RBFOX1: variants seen among roughly 807,000 people sequenced by gnomAD.
RBFOX1 encodes RNA binding fox-1 homolog 1, also known as RNA binding protein fox-1 homolog 1.
Under a neutral mutation model 57.7 loss-of-function variants are expected in RBFOX1, and 8 were observed. The observed-to-expected ratio is 0.14, with a 90% CI of 0.08 to 0.25. The LOEUF (loss-of-function observed/expected upper bound fraction) is 0.25, where lower values mean the gene tolerates loss of function less well. Ranked by LOEUF, RBFOX1 falls within the 10% of genes least tolerant of loss-of-function variation. The pLI, the probability that RBFOX1 is intolerant of heterozygous loss-of-function variation, is 1.00. For synonymous variants in RBFOX1, 326 were observed against 222.4 expected (o/e 1.47, Z -4.15); for missense variants, 611 against 548.5 (o/e 1.11, Z -1.14).
intron 4 of RBFOX1, among the ~76,000 whole-genome samples, chr16:5,914,535 C>G (rs2152215810): frequency 6.6e-6 from 1 of 152,218 alleles, no homozygotes; most frequent in East Asian, 1.9e-4. Flanking sequence ...ATGTGGGACT[C>G]TCTGTAGACT....
At chr16:6,872,970 A>G (rs991506527) in intron 3 of RBFOX1, among the ~76,000 whole-genome samples, 3 of 152,118 alleles carry the variant, frequency 2.0e-5, no homozygotes, top group Non-Finnish European at 2.9e-5. Context: ...GCTGGTCTTG[A>G]GTATAATGCC....
At chr16:6,624,576 A>G (rs371309363) in intron 2 of RBFOX1, among the ~76,000 whole-genome samples, 4 of 152,130 alleles carry the variant, frequency 2.6e-5, no homozygotes, top group African/African-American at 7.2e-5. Flanking sequence ...TTTCCTTCAC[A>G]TGATTTTTGT....
In RBFOX1 at chr16:6,210,318, A is replaced by G. The variant is rs1206873023; in HGVS notation, c.-126-106677A>G. ...GGTGACAAGAGTGCAATTCTGTCTG[A>G]AAAAAAAAAACAAAAAAACAAAAAA... On this transcript the variant is annotated intron_variant, in intron 1 of 15. Transcript: ENST00000550418. Among the ~76,000 whole-genome samples the G allele has an allele frequency of 8.8e-5, 12 of 135,928 alleles. No homozygotes were observed. In the East Asian group the frequency reaches 2.3e-3, roughly 26 times the overall value. The allele number at this position is 135,928 out of a possible 152,430, so 89.2% of individuals were successfully genotyped here. A position where few individuals can be genotyped will look rare whatever the true frequency, so the allele number is the denominator to read the frequency against.
At chr16:7,113,190 T>G (rs1300537493) in intron 4 of RBFOX1, among the ~76,000 whole-genome samples, 1 of 152,186 alleles carries the variant, frequency 6.6e-6, no homozygotes, top group East Asian at 1.9e-4. Context: ...CATAAATACA[T>G]TGAGCTTTCT....
At chr16:7,688,763 G>C (rs2076684776) in intron 14 of RBFOX1, among the ~76,000 whole-genome samples, 1 of 152,104 alleles carries the variant, frequency 6.6e-6, no homozygotes. Flanking sequence ...AAGAGTGAAA[G>C]AGACAGACCA....
intron 2 of RBFOX1, among the ~76,000 whole-genome samples, chr16:6,386,157 G>A (rs1048720903): frequency 1.3e-4 from 20 of 152,036 alleles, no homozygotes; most frequent in Non-Finnish European, 2.9e-4. Flanking sequence ...GGATGGTCTC[G>A]ATGTCCTGGC....
chr16:7,475,673 GT>G (rs1416314760), intron 4 of RBFOX1, among the ~76,000 whole-genome samples: 2 of 152,126 alleles, frequency 1.3e-5, no homozygotes, highest in African/African-American at 4.8e-5. Flanking sequence ...CAAGCTCTTG[GT>G]TATAACTCTG....
At chr16:6,199,614 CTAAA>C (rs1367206735) in intron 1 of RBFOX1, among the ~76,000 whole-genome samples, 1 of 152,142 alleles carries the variant, frequency 6.6e-6, no homozygotes, top group Admixed American at 6.5e-5. Context: ...TTTGTATTAA[CTAAA>C]TAATACTTAC....
At chr16:5,640,547 C>T (rs2048828723) in intron 3 of RBFOX1, among the ~76,000 whole-genome samples, 1 of 151,098 alleles carries the variant, frequency 6.6e-6, no homozygotes, top group African/African-American at 2.4e-5. Context: ...CATGCACATA[C>T]ATGCATGCCA....
At chr16:7,354,318 T>C (rs1052808655) in intron 4 of RBFOX1, among the ~76,000 whole-genome samples, 1 of 152,206 alleles carries the variant, frequency 6.6e-6, no homozygotes, top group Non-Finnish European at 1.5e-5. Flanking sequence ...TGAATTATTA[T>C]TTCAAAAAAT....
intron 3 of RBFOX1, among the ~76,000 whole-genome samples, chr16:6,998,514 C>G (rs1335591314): frequency 3.3e-5 from 5 of 152,116 alleles, no homozygotes; most frequent in African/African-American, 1.2e-4. Flanking sequence ...TTGGCCCTAC[C>G]AGAAGCAAGA....
chr16:6,944,780 C>G (rs1356280564), intron 3 of RBFOX1, among the ~76,000 whole-genome samples: 2 of 152,142 alleles, frequency 1.3e-5, no homozygotes, highest in Non-Finnish European at 2.9e-5. Context: ...ATGGGTGTAT[C>G]TCATCTATGC....
intron 3 of RBFOX1, among the ~76,000 whole-genome samples, chr16:6,922,575 C>CGT (rs2074714048): frequency 6.6e-6 from 1 of 152,012 alleles, no homozygotes; most frequent in South Asian, 2.1e-4. Flanking sequence ...TGGCTTTTTT[C>CGT]GTGTGTGTGG....
chr16:7,281,948 C>A (rs146063081), intron 4 of RBFOX1, among the ~76,000 whole-genome samples: 1 of 152,180 alleles, frequency 6.6e-6, no homozygotes, highest in African/African-American at 2.4e-5. Context: ...TCACTGCAAC[C>A]TCTACCTCCT....
chr16:7,607,535 G>C (rs1440528752), intron 10 of RBFOX1, among the ~76,000 whole-genome samples, 197 bp downstream of exon 10: 1 of 152,164 alleles, frequency 6.6e-6, no homozygotes, highest in Non-Finnish European at 1.5e-5. Context: ...AAGTTTCATG[G>C]TTGGGGGATC....
chr16:5,432,690 C>T (rs1363237467), intron 1 of RBFOX1, among the ~76,000 whole-genome samples: 3 of 151,626 alleles, frequency 2.0e-5, no homozygotes, highest in Non-Finnish European at 4.4e-5. Flanking sequence ...ACTGTGGGTG[C>T]CCAGGCTCCG....
chr16:7,313,431 T>C (rs1188059828), intron 4 of RBFOX1, among the ~76,000 whole-genome samples: 2 of 151,264 alleles, frequency 1.3e-5, no homozygotes, highest in African/African-American at 4.8e-5. Context: ...GACTTTCTTT[T>C]TTCCTTTCTT....
chr16:6,919,266 G>A (rs755472941), intron 3 of RBFOX1, among the ~76,000 whole-genome samples: 1 of 152,120 alleles, frequency 6.6e-6, no homozygotes, highest in Non-Finnish European at 1.5e-5. Flanking sequence ...GGGATTACAG[G>A]TGTGAGCCAT....
At chr16:7,471,918 A>C (rs919378518) in intron 4 of RBFOX1, among the ~76,000 whole-genome samples, 4 of 152,184 alleles carry the variant, frequency 2.6e-5, no homozygotes, top group African/African-American at 7.2e-5. Flanking sequence ...CCATGGGTCA[A>C]ATGTCAGCAC....
Sources: gnomAD v4.1 joint callset for allele counts (sites outside exome capture counted in the v4.1 genomes callset) on GRCh38, gnomAD v4.1.1 for gene constraint, MANE v1.5 for transcripts, NCBI Gene and HGNC (gene_info 2026-07-23, HGNC 2026-07-21) for gene names.